LRRC58: variants seen among roughly 807,000 people sequenced by gnomAD.
The protein encoded by LRRC58 is leucine-rich repeat-containing protein 58.
LRRC58 carries 18 observed loss-of-function variants against 30.6 expected under a neutral mutation model. That is an observed-to-expected ratio of 0.59 (90% CI 0.41 to 0.87). LRRC58 has a LOEUF of 0.87. Ranked by LOEUF, LRRC58 falls within the 40% of genes least tolerant of loss-of-function variation. The pLI is 0.00. For missense variants in LRRC58, 420 were observed against 468.4 expected (o/e 0.90, Z 0.95); for synonymous variants, 221 against 206.0 (o/e 1.07, Z -0.62).
At chr3:120,334,814 T>A (rs894774309) in intron 3 of LRRC58, 48 bp downstream of exon 3, 1 of 1,510,186 alleles carries the variant, frequency 6.6e-7, no homozygotes, top group Non-Finnish European at 8.9e-7. Flanking sequence ...TTAATTAATT[T>A]AAAAAATAGC....
At position 120,331,221 on chromosome 3, in the gene LRRC58, C is replaced by T. The variant is rs1935751340; in HGVS notation, c.1095G>A (p.Met365Ile). ...EDEASVAARR[M>I]QKVLLG Reference sequence around the variant, plus strand: ...CTGTTCAACCAAGAAGAACTTTCTGCATTCTGCGTGCAGCAACACTAGCTT... The same window carrying T: ...CTGTTCAACCAAGAAGAACTTTCTGTATTCTGCGTGCAGCAACACTAGCTT... Residue 365 changes from methionine to isoleucine, a missense_variant, in exon 4 of 4, where the codon ATG (methionine) becomes ATA (isoleucine). Physicochemically the swap from Met to Ile is conservative, Grantham distance 10. Coordinates refer to ENST00000295628, the MANE Select transcript of LRRC58 (RefSeq NM_001099678.2). 6.2e-7 allele frequency: 1 copy of T among 1,613,810 alleles called. No homozygotes were observed. The highest frequency in any genetic ancestry group is 1.3e-5 in the African/African-American group (1 of 74,916).
In LRRC58 at chr3:120,335,953, A is replaced by G; in HGVS notation, c.501T>C (p.Ser167=). ...TTCCTCCAAGATATAAACACTCTAA[A>G]CTGCAAAAATAAATGAACAAAACCA... ...SIPAEIENLQ[S]LECLYLGGNF... is the part of the protein sequence containing the mutation. The change falls in exon 2 of 4, where the codon AGT becomes AGC. Residue 167 remains serine (S), a splice_region_variant and synonymous_variant. Coordinates refer to ENST00000295628, the MANE Select transcript of LRRC58 (RefSeq NM_001099678.2). The G allele has an allele frequency of 6.4e-7, 1 of 1,572,272 alleles. No individual in the cohort carries two copies. Among genetic ancestry groups the G allele is most frequent in the Non-Finnish European group, 8.7e-7 (1 of 1,148,764 alleles).
chr3:120,349,099 G>A lies in LRRC58; in HGVS notation c.145C>T (p.Leu49=). The A allele has an allele frequency of 6.6e-7, 1 of 1,512,218 alleles. No homozygotes were observed. The highest frequency in any genetic ancestry group is 8.8e-7 in the Non-Finnish European group (1 of 1,138,822). 93.7% of individuals were successfully genotyped at this position (1,512,218 alleles called of 1,614,324 possible). A position where few individuals can be genotyped will look rare whatever the true frequency, so the allele number is the denominator to read the frequency against. Residue 49 remains leucine (L), a synonymous_variant, in exon 1 of 4, where the codon CTG becomes TTG. Coordinates refer to ENST00000295628, the MANE Select transcript of LRRC58 (RefSeq NM_001099678.2). The part of the protein sequence containing the change: ...RRGAREALLR[L]LLPHNRLVSL... Reference sequence around the variant, plus strand: ...ACCAGACGGTTGTGAGGCAGCAGCAGCCGCAGCAGCGCCTCCCGCGCCCCG... The same window carrying A: ...ACCAGACGGTTGTGAGGCAGCAGCAACCGCAGCAGCGCCTCCCGCGCCCCG...
intron 1 of LRRC58, 145 bp downstream of exon 1, chr3:120,348,599 T>C: frequency 2.2e-6 from 2 of 907,380 alleles, no homozygotes; most frequent in Non-Finnish European, 3.1e-6. Context: ...CTTGCTGAGA[T>C]GGTTGGGCAG....
rs1037790149 is a variant in LRRC58, at chr3:120,328,348, A to C, written c.*2852T>G. The C allele has an allele frequency of 6.6e-6, 1 of 152,176 alleles. No homozygotes were observed. Among genetic ancestry groups the C allele is most frequent in the Non-Finnish European group, 1.5e-5 (1 of 68,020 alleles). 9.4% of individuals were successfully genotyped at this position (152,176 alleles called of 1,614,324 possible). A position where few individuals can be genotyped will look rare whatever the true frequency, so the allele number is the denominator to read the frequency against. On this transcript the variant is annotated 3_prime_UTR_variant, in exon 4 of 4. Coordinates refer to ENST00000295628, the MANE Select transcript of LRRC58 (RefSeq NM_001099678.2). ...GCTGAGAGAATTGATTCTAGGGATA[A>C]AGACTACTAAGAATGCACAATGTAC...
Position 120,349,265 on chromosome 3 carries a change from G to A in LRRC58, c.-22C>T, listed in dbSNP as rs546859822. The A allele has an allele frequency of 1.3e-5, 17 of 1,357,800 alleles. No homozygotes were observed. Among genetic ancestry groups the A allele is most frequent in the South Asian group, 5.3e-5 (3 of 56,838 alleles). 84.1% of individuals were successfully genotyped at this position (1,357,800 alleles called of 1,614,324 possible). On this transcript the variant is annotated 5_prime_UTR_variant, in exon 1 of 4. Transcript: ENST00000295628. ...CCATCCTGGCCACCGCACGGCGCGTGGCGCCGGATTCCCCAGAGCGCCGCG... is the reference window on the plus strand; with the variant it reads ...CCATCCTGGCCACCGCACGGCGCGTAGCGCCGGATTCCCCAGAGCGCCGCG...
intron 3 of LRRC58, among the ~76,000 whole-genome samples, chr3:120,332,643 C>T (rs1341361447): frequency 6.6e-6 from 1 of 152,112 alleles, no homozygotes. Flanking sequence ...AAAAGTATCT[C>T]TGAGAATATA....
Position 120,330,392 on chromosome 3 carries a change from C to T in LRRC58, c.*808G>A, listed in dbSNP as rs189840702. Reference sequence around the variant, plus strand: ...GGGCCATGAGATCGGATATTAGATACACAGTTATTTACCTAGTTCTGTTAA... The same window carrying T: ...GGGCCATGAGATCGGATATTAGATATACAGTTATTTACCTAGTTCTGTTAA... On this transcript the variant is annotated 3_prime_UTR_variant, in exon 4 of 4. Transcript: ENST00000295628. 3 of 152,158 alleles carry T rather than the reference C, an allele frequency of 2.0e-5. No individual in the cohort carries two copies. In the East Asian group the frequency reaches 5.8e-4, roughly 29 times the overall value. 9.4% of individuals were successfully genotyped at this position (152,158 alleles called of 1,614,324 possible). A position where few individuals can be genotyped will look rare whatever the true frequency, so the allele number is the denominator to read the frequency against.
At position 120,347,689 on chromosome 3, in the gene LRRC58, C is replaced by G. The variant is rs527844751; in HGVS notation, c.500+1055G>C. ...TACAGGCGTGAGCCACCGCGCCCGG[C>G]CTTCCCAGGCCAATATTCTTTTGCT... On this transcript the variant is annotated intron_variant, in intron 1 of 3. Transcript: ENST00000295628. Among the ~76,000 whole-genome samples the G allele has an allele frequency of 7.9e-5, 12 of 151,232 alleles. No homozygotes were observed. The South Asian group carries it at 8.4e-4, about 11-fold the overall frequency.
At chr3:120,339,542 T>C (rs1935877616) in intron 1 of LRRC58, among the ~76,000 whole-genome samples, 1 of 152,248 alleles carries the variant, frequency 6.6e-6, no homozygotes, top group Non-Finnish European at 1.5e-5. Context: ...CCCCTCACTC[T>C]TGAGTAATAG....
chr3:120,346,890 A>G (rs1935974910), intron 1 of LRRC58, among the ~76,000 whole-genome samples: 1 of 152,174 alleles, frequency 6.6e-6, no homozygotes, highest in African/African-American at 2.4e-5. Context: ...AAACTCTCTC[A>G]TGTGCACTTA....
rs1341797480 is a variant in LRRC58 at position 120,348,870 on chromosome 3, A to G, written c.374T>C (p.Leu125Pro). ...QSPLCRSLQV[L>P]NLSGNCFQEV... The stretch of plus-strand genomic sequence containing the variant: ...CTGGAAACAGTTGCCGCTGAGGTTG[A>G]GCACCTGGAGGCTGCGGCAGAGCGG... Residue 125 changes from leucine to proline, a missense_variant, in exon 1 of 4, where the codon CTC (leucine) becomes CCC (proline). This residue lies in a region of LRRC58 where 266 missense variants were observed against 251.7 expected (regional missense o/e 1.06). Transcript: ENST00000295628. 1 of 1,598,150 alleles carries G rather than the reference A, an allele frequency of 6.3e-7. No individual in the cohort carries two copies. Among genetic ancestry groups the G allele is most frequent in the Non-Finnish European group, 8.5e-7 (1 of 1,173,472 alleles).
chr3:120,348,338 G>A (rs1423111207), intron 1 of LRRC58, among the ~76,000 whole-genome samples: 1 of 152,088 alleles, frequency 6.6e-6, no homozygotes, highest in African/African-American at 2.4e-5. Flanking sequence ...GGAAAGCAAG[G>A]GTTAGATCAG....
At position 120,326,905 on chromosome 3, in the gene LRRC58, TTTC is replaced by T. The variant is rs1249653629; in HGVS notation, c.*4292_*4294del. The T allele has an allele frequency of 6.6e-6, 1 of 152,238 alleles. No individual in the cohort carries two copies. Among genetic ancestry groups the T allele is most frequent in the African/African-American group, 2.4e-5 (1 of 41,468 alleles). 9.4% of individuals were successfully genotyped at this position (152,238 alleles called of 1,614,324 possible). A position where few individuals can be genotyped will look rare whatever the true frequency, so the allele number is the denominator to read the frequency against. On this transcript the variant is annotated 3_prime_UTR_variant, in exon 4 of 4. Transcript: ENST00000295628. ...TATTTGCACTATTTGCTGTGTGTTTTTTCTTTTTTACATAGTGAAAAGGTAAAC... is the reference window on the plus strand; with the variant it reads ...TATTTGCACTATTTGCTGTGTGTTTTTTTTTTACATAGTGAAAAGGTAAAC...
chr3:120,340,793 A>C (rs1935895190), intron 1 of LRRC58, among the ~76,000 whole-genome samples: 1 of 152,188 alleles, frequency 6.6e-6, no homozygotes, highest in Non-Finnish European at 1.5e-5. Context: ...GCTACTCAGG[A>C]GGCTAAGGCA....
Position 120,349,128 on chromosome 3 carries a change from CG to C in LRRC58, c.115del (p.Arg39GlyfsTer37). Reference sequence around the variant, plus strand: ...CAGCAGCGCCTCCCGCGCCCCGCGCCGCTCCTCCCCCCGCGCCTCCAGCTCA... The same window carrying C: ...CAGCAGCGCCTCCCGCGCCCCGCGCCCTCCTCCCCCCGCGCCTCCAGCTCA... ...ESELEARGEE[R>X]RGAREALLRL... On this transcript the variant is annotated frameshift_variant, in exon 1 of 4. Transcript: ENST00000295628. LOFTEE classifies it high-confidence loss of function. The C allele has an allele frequency of 1.3e-6, 2 of 1,505,702 alleles. No individual in the cohort carries two copies. The highest frequency in any genetic ancestry group is 2.7e-5 in the East Asian group (1 of 36,448). The allele number at this position is 1,505,702 out of a possible 1,614,324, so 93.3% of individuals were successfully genotyped here. A position where few individuals can be genotyped will look rare whatever the true frequency, so the allele number is the denominator to read the frequency against.
At chr3:120,340,035 A>AT (rs397796988) in intron 1 of LRRC58, among the ~76,000 whole-genome samples, 22,540 of 151,446 alleles carry the variant, frequency 0.15, 2,524 homozygotes, top group East Asian at 0.66. Flanking sequence ...TAATTTTTGT[A>AT]TTTTTAGTAA....
At chr3:120,344,827 GAGA>G (rs1473852243) in intron 1 of LRRC58, among the ~76,000 whole-genome samples, 1 of 152,092 alleles carries the variant, frequency 6.6e-6, no homozygotes, top group Non-Finnish European at 1.5e-5. Flanking sequence ...TAACCTAACT[GAGA>G]AGAATAAAAG....
chr3:120,349,119 G>GCCCCGCGCCGCTCCTCC lies in LRRC58; in HGVS notation c.108_124dup (p.Ala42GlyfsTer40), dbSNP rs1936019913. On this transcript the variant is annotated frameshift_variant, in exon 1 of 4. Transcript: ENST00000295628. LOFTEE classifies it high-confidence loss of function. Reference sequence around the variant, plus strand: ...CAGCAGCCGCAGCAGCGCCTCCCGCGCCCCGCGCCGCTCCTCCCCCCGCGC... The same window carrying GCCCCGCGCCGCTCCTCC: ...CAGCAGCCGCAGCAGCGCCTCCCGCGCCCCGCGCCGCTCCTCCCCCCGCGCCGCTCCTCCCCCCGCGC... 3 of 1,508,548 alleles carry GCCCCGCGCCGCTCCTCC rather than the reference G, an allele frequency of 2.0e-6. No individual in the cohort carries two copies. The highest frequency in any genetic ancestry group is 2.6e-6 in the Non-Finnish European group (3 of 1,137,116). The allele number at this position is 1,508,548 out of a possible 1,614,324, so 93.4% of individuals were successfully genotyped here. A position where few individuals can be genotyped will look rare whatever the true frequency, so the allele number is the denominator to read the frequency against.
Sources: allele counts gnomAD v4.1 joint callset (sites outside exome capture counted in the v4.1 genomes callset), GRCh38; gene constraint gnomAD v4.1.1; regional missense constraint gnomAD v4.1.1; transcripts MANE v1.5; gene names NCBI Gene and HGNC (gene_info 2026-07-23, HGNC 2026-07-21).